Variants in PARD3B observed in about 807,000 individuals in gnomAD.
PARD3B encodes the protein par-3 family cell polarity regulator beta.
In PARD3B, 103 loss-of-function variants were observed where a neutral mutation model predicts 130.2. That is an observed-to-expected ratio of 0.79 (90% CI 0.67 to 0.93). PARD3B has a LOEUF of 0.93. Ranked by LOEUF, PARD3B falls within the 40% of genes least tolerant of loss-of-function variation. The pLI is 0.00. For synonymous variants in PARD3B, 583 were observed against 553.2 expected, an observed-to-expected ratio of 1.05 and a Z score of -0.76; for missense variants, 1,609 against 1,499.2, an observed-to-expected ratio of 1.07 and a Z score of -1.21.
At chr2:205,167,174 A>T (rs2034867258) in intron 11 of PARD3B, among the ~76,000 whole-genome samples, 2 of 152,164 alleles carry the variant, frequency 1.3e-5, no homozygotes, top group Non-Finnish European at 2.9e-5. Flanking sequence ...CATTGCCAGT[A>T]ATCATGGCAG....
intron 19 of PARD3B, among the ~76,000 whole-genome samples, chr2:205,433,552 A>G (rs1369741078): frequency 7.9e-6 from 1 of 126,222 alleles, no homozygotes; most frequent in African/African-American, 2.7e-5. Context: ...AAAAAAAAAA[A>G]AGGTAAATTG....
intron 2 of PARD3B, among the ~76,000 whole-genome samples, chr2:204,861,020 G>A (rs1471033880): frequency 2.6e-5 from 4 of 152,070 alleles, no homozygotes; most frequent in African/African-American, 7.2e-5. Context: ...GGGGGTTATA[G>A]TCATTACCAC....
At chr2:204,941,620 C>A (rs1180677986) in intron 2 of PARD3B, among the ~76,000 whole-genome samples, 6 of 152,068 alleles carry the variant, frequency 3.9e-5, no homozygotes, top group Non-Finnish European at 1.5e-5. Flanking sequence ...TGTTGGAGTT[C>A]TTTGTGCTGT....
chr2:205,395,109 G>A (rs984782249), intron 18 of PARD3B, among the ~76,000 whole-genome samples: 1 of 151,960 alleles, frequency 6.6e-6, no homozygotes, highest in Non-Finnish European at 1.5e-5. Context: ...ATATTCTATG[G>A]TATAAGCCAA....
chr2:205,452,476 A>G (rs1228772858), intron 20 of PARD3B, among the ~76,000 whole-genome samples: 2 of 152,202 alleles, frequency 1.3e-5, no homozygotes, highest in Non-Finnish European at 2.9e-5. Context: ...GATAAATGCC[A>G]TTTCCGTAGA....
intron 4 of PARD3B, chr2:205,048,589 A>G (rs533355135): frequency 6.6e-6 from 1 of 152,226 alleles, no homozygotes; most frequent in Non-Finnish European, 1.5e-5. Context: ...CTCACTGTCT[A>G]TAACGCCTTA....
At chr2:205,304,186 G>A (rs1168591893) in intron 18 of PARD3B, among the ~76,000 whole-genome samples, 1 of 152,176 alleles carries the variant, frequency 6.6e-6, no homozygotes, top group Non-Finnish European at 1.5e-5. Flanking sequence ...CATTTCCAGT[G>A]CTCATGAAAT....
chr2:205,362,385 G>C lies in PARD3B; in HGVS notation c.2631-38628G>C, dbSNP rs548053838. ...CAATAGGTTCTGCAACAAATTTGTA[G>C]TTAAATAACATTATGTGTCTCATCT... is the stretch of plus-strand genomic sequence containing the variant. On this transcript the variant is annotated intron_variant, in intron 18 of 22. Transcript: ENST00000406610. 1.8e-3 allele frequency among the ~76,000 whole-genome samples: 279 copies of C among 152,282 alleles called. 1 individual carries two copies. The highest frequency in any genetic ancestry group is 0.017 in the Middle Eastern group (5 of 294).
chr2:205,117,920 C>CACACACACACACACACACAT (rs1456015043), intron 6 of PARD3B, among the ~76,000 whole-genome samples: 3 of 152,024 alleles, frequency 2.0e-5, no homozygotes, highest in African/African-American at 7.2e-5. Flanking sequence ...TGTGTGTACA[C>CACACACACACACACACACAT]ACACACACAC....
rs2038768034 is a variant in PARD3B, at chr2:205,230,293, T to G, written c.2141-15485T>G. Reference sequence around the variant, plus strand: ...CTCACCCAAGACCCATGGCAAGTACTGCCTGGCTACTGCTGCTAATTATTC... The same window carrying G: ...CTCACCCAAGACCCATGGCAAGTACGGCCTGGCTACTGCTGCTAATTATTC... On this transcript the variant is annotated intron_variant, in intron 15 of 22. Transcript: ENST00000406610. The surrounding 1 kb of genome is among the most constrained non-coding windows in gnomAD (Gnocchi z 4.1). Among the ~76,000 whole-genome samples the G allele has an allele frequency of 1.3e-5, 2 of 152,186 alleles. No individual in the cohort carries two copies. Among genetic ancestry groups the G allele is most frequent in the African/African-American group, 4.8e-5 (2 of 41,454 alleles).
chr2:204,586,286 C>T (rs192772122), intron 1 of PARD3B, among the ~76,000 whole-genome samples: 5 of 152,116 alleles, frequency 3.3e-5, no homozygotes, highest in Admixed American at 2.0e-4. Flanking sequence ...AAAGTGTAGA[C>T]GGTGTTTTCA....
chr2:204,861,867 G>A (rs753838073), intron 2 of PARD3B, among the ~76,000 whole-genome samples: 2 of 136,912 alleles, frequency 1.5e-5, no homozygotes. Context: ...CAAGGCTTCA[G>A]TGGGGAAAAA....
At chr2:204,626,578 G>A (rs1182072621) in intron 1 of PARD3B, among the ~76,000 whole-genome samples, 1 of 151,748 alleles carries the variant, frequency 6.6e-6, no homozygotes, top group African/African-American at 2.4e-5. Flanking sequence ...AAAAGTCTGG[G>A]TAAAAACAAA....
intron 1 of PARD3B, among the ~76,000 whole-genome samples, chr2:204,637,251 T>A (rs1229238949): frequency 6.6e-6 from 1 of 152,146 alleles, no homozygotes; most frequent in Non-Finnish European, 1.5e-5. Context: ...TATTTTATAC[T>A]CTGTAAAAGT....
At chr2:204,592,093 G>A (rs1477215997) in intron 1 of PARD3B, among the ~76,000 whole-genome samples, 1 of 152,266 alleles carries the variant, frequency 6.6e-6, no homozygotes, top group East Asian at 1.9e-4. Flanking sequence ...GACCTGCCCG[G>A]AGGGCAAGGG....
chr2:204,714,364 A>G (rs150697892), intron 2 of PARD3B, among the ~76,000 whole-genome samples: 168 of 152,274 alleles, frequency 1.1e-3, no homozygotes, highest in African/African-American at 3.9e-3. Context: ...CTTAAATATC[A>G]TGAATTTCAT....
chr2:205,276,704 T>C lies in PARD3B; in HGVS notation c.2186-23826T>C, dbSNP rs1219011329. 6.6e-6 allele frequency among the ~76,000 whole-genome samples: 1 copy of C among 152,180 alleles called. No homozygotes were observed. Among genetic ancestry groups the C allele is most frequent in the African/African-American group, 2.4e-5 (1 of 41,438 alleles). ...TCCTGCCTCTGAGCTTCCTGTGAAA[T>C]CTATAGGAGGAGAAGCCCAAGGGAC... On this transcript the variant is annotated intron_variant, in intron 16 of 22. Transcript: ENST00000406610. The surrounding 1 kb of genome is among the most constrained non-coding windows in gnomAD (Gnocchi z 5.0).
At chr2:205,112,153 A>G (rs1703690449) in intron 5 of PARD3B, among the ~76,000 whole-genome samples, 1 of 152,016 alleles carries the variant, frequency 6.6e-6, no homozygotes. Context: ...AAGCTGCTTG[A>G]CTGAACAAGT....
At chr2:205,406,212 T>C (rs1224955557) in intron 19 of PARD3B, among the ~76,000 whole-genome samples, 2 of 152,218 alleles carry the variant, frequency 1.3e-5, no homozygotes, top group Non-Finnish European at 2.9e-5. Flanking sequence ...TCCGTTCTAC[T>C]TTATCAGTTT....
Sources: gnomAD v4.1 joint callset for allele counts (sites outside exome capture counted in the v4.1 genomes callset) on GRCh38, gnomAD v4.1.1 for gene constraint, Gnocchi (gnomAD v3.1) non-coding constraint, MANE v1.5 for transcripts, NCBI Gene and HGNC (gene_info 2026-07-23, HGNC 2026-07-21) for gene names.